The following PNPT1 variants were observed in gnomAD, a reference collection of about 807,000 sequenced individuals.
PNPT1 encodes the protein polyribonucleotide nucleotidyltransferase 1, also known as polyribonucleotide nucleotidyltransferase 1, mitochondrial.
Under a neutral mutation model 119.5 loss-of-function variants are expected in PNPT1, and 53 were observed. That is an observed-to-expected ratio of 0.44 (90% CI 0.36 to 0.56). The LOEUF (loss-of-function observed/expected upper bound fraction) is 0.56, where lower values mean the gene tolerates loss of function less well. Among genes scored for constraint, PNPT1 ranks in the 20% least tolerant of loss-of-function variants. The probability of loss-of-function intolerance (pLI) is 0.00; values close to 1 mark genes in which losing one functional copy is unlikely to be tolerated. For synonymous variants in PNPT1, 357 were observed against 322.1 expected, an observed-to-expected ratio of 1.11 and a Z score of -1.16; for missense variants, 948 against 938.5, an observed-to-expected ratio of 1.01 and a Z score of -0.13.
Position 55,656,181 on chromosome 2 carries a change from C to T in PNPT1, c.1391G>A (p.Arg464Gln), listed in dbSNP as rs754458499. 3 of 1,613,256 alleles carry T rather than the reference C, an allele frequency of 1.9e-6. No homozygotes were observed. Among genetic ancestry groups the T allele is most frequent in the East Asian group, 2.2e-5 (1 of 44,754 alleles). ...AEKALYPVIP[R>Q]DFPFTIRVTS... Reference sequence around the variant, plus strand: ...AACTCTTATGGTGAAAGGAAAATCTCGGGGAATAACAGGATACAAAGCTTT... The same window carrying T: ...AACTCTTATGGTGAAAGGAAAATCTTGGGGAATAACAGGATACAAAGCTTT... The change falls in exon 17 of 28, where the codon CGA becomes CAA. Residue 464 changes from arginine (R) to glutamine (Q), a missense_variant. Arg to Gln is a conservative substitution (Grantham distance 43). Coordinates refer to ENST00000447944, the MANE Select transcript of PNPT1 (RefSeq NM_033109.5).
intron 11 of PNPT1, among the ~76,000 whole-genome samples, chr2:55,668,981 A>G (rs1024201152): frequency 1.3e-5 from 2 of 152,216 alleles, no homozygotes; most frequent in African/African-American, 4.8e-5. Context: ...TTTTAAAAAT[A>G]TATTAGAAAT....
At chr2:55,669,761 ACTTTTTT>A (rs1250010785) in intron 11 of PNPT1, among the ~76,000 whole-genome samples, 64 of 147,188 alleles carry the variant, frequency 4.3e-4, no homozygotes, top group Middle Eastern at 3.5e-3. Flanking sequence ...TGCTAACAGC[ACTTTTTT>A]TTTTTTTTTT....
At chr2:55,669,457 A>G (rs541523787) in intron 11 of PNPT1, among the ~76,000 whole-genome samples, 99 of 152,326 alleles carry the variant, frequency 6.5e-4, no homozygotes, top group African/African-American at 2.3e-3. Context: ...GATATATTAG[A>G]TTGTATCTTC....
chr2:55,669,272 T>C (rs964461400), intron 11 of PNPT1, among the ~76,000 whole-genome samples: 2 of 152,232 alleles, frequency 1.3e-5, no homozygotes. Context: ...TAAAGATCTG[T>C]CAGCCTCAAA....
At chr2:55,661,291 C>T (rs1385817709) in intron 14 of PNPT1, among the ~76,000 whole-genome samples, 1 of 151,770 alleles carries the variant, frequency 6.6e-6, no homozygotes, top group Non-Finnish European at 1.5e-5. Context: ...CGGAATTTCA[C>T]CGTTTTAGCC....
intron 22 of PNPT1, 30 bp downstream of exon 22, chr2:55,645,319 C>T (rs949244431): frequency 6.6e-7 from 1 of 1,520,884 alleles, no homozygotes; most frequent in African/African-American, 1.4e-5. Flanking sequence ...CCACCGCGCC[C>T]AGCCGATCAC....
At chr2:55,669,010 A>G (rs1009095528) in intron 11 of PNPT1, among the ~76,000 whole-genome samples, 3 of 152,228 alleles carry the variant, frequency 2.0e-5, no homozygotes, top group Middle Eastern at 3.2e-3. Context: ...ACTGTTTTCT[A>G]TCTAATATTT....
intron 8 of PNPT1, among the ~76,000 whole-genome samples, chr2:55,676,583 C>T (rs941276308): frequency 4.6e-5 from 7 of 152,106 alleles, no homozygotes; most frequent in South Asian, 2.1e-4. Context: ...GATGACTGCC[C>T]GGGAGTGGTG....
Position 55,667,031 on chromosome 2 carries a change from G to T in PNPT1, c.1136C>A (p.Thr379Asn). 1.9e-6 allele frequency: 3 copies of T among 1,609,266 alleles called. No individual in the cohort carries two copies. The highest frequency in any genetic ancestry group is 2.5e-6 in the Non-Finnish European group (3 of 1,178,216). ...NVSCEVDMFK[T>N]LHGSALFQRG... Reference sequence around the variant, plus strand: ...TTGAAATAATGCTGATCCATGAAGGGTTTTAAACATATCTACCTCACAACT... The same window carrying T: ...TTGAAATAATGCTGATCCATGAAGGTTTTTAAACATATCTACCTCACAACT... Residue 379 changes from threonine to asparagine, a missense_variant, in exon 13 of 28, where the codon ACC becomes AAC. Thr to Asn is a moderately conservative substitution (Grantham distance 65). Coordinates refer to ENST00000447944, the MANE Select transcript of PNPT1 (RefSeq NM_033109.5).
chr2:55,693,331 C>T (rs1697682096), intron 1 of PNPT1, among the ~76,000 whole-genome samples: 2 of 152,108 alleles, frequency 1.3e-5, no homozygotes, highest in South Asian at 2.1e-4. Context: ...CTCGTCTCAC[C>T]CACGTCAACT....
chr2:55,652,244 A>C (rs1696234074), intron 18 of PNPT1, among the ~76,000 whole-genome samples: 1 of 152,210 alleles, frequency 6.6e-6, no homozygotes, highest in African/African-American at 2.4e-5. Flanking sequence ...GGCATAGGAC[A>C]GTGCCTGACT....
chr2:55,652,309 CATACCTTGT>C (rs1452723953), intron 18 of PNPT1, among the ~76,000 whole-genome samples: 1 of 152,190 alleles, frequency 6.6e-6, no homozygotes, highest in East Asian at 1.9e-4. Context: ...AATTGAACTG[CATACCTTGT>C]ATCGGCCCAT....
chr2:55,668,265 C>T (rs1221779741), intron 11 of PNPT1, among the ~76,000 whole-genome samples: 4 of 152,210 alleles, frequency 2.6e-5, no homozygotes, highest in African/African-American at 4.8e-5. Context: ...GAGACAAAGT[C>T]TCACTCTGTT....
chr2:55,662,930 G>C (rs1343545084), intron 13 of PNPT1, among the ~76,000 whole-genome samples: 1 of 151,442 alleles, frequency 6.6e-6, no homozygotes, highest in South Asian at 2.1e-4. Context: ...ACCCAGGCTG[G>C]AGTACAGTGG....
At chr2:55,680,573 G>T in intron 7 of PNPT1, 139 bp downstream of exon 7, 1 of 767,864 alleles carries the variant, frequency 1.3e-6, no homozygotes, top group Non-Finnish European at 2.1e-6. Flanking sequence ...AGACCTGAAA[G>T]GAGACTTAGA....
intron 8 of PNPT1, among the ~76,000 whole-genome samples, chr2:55,679,263 T>C (rs1178069249): frequency 6.6e-6 from 1 of 152,268 alleles, no homozygotes; most frequent in Non-Finnish European, 1.5e-5. Context: ...CAAGCAGACT[T>C]AGAATGAAAT....
intron 18 of PNPT1, among the ~76,000 whole-genome samples, chr2:55,648,438 T>C (rs1396815957): frequency 6.6e-6 from 1 of 152,238 alleles, no homozygotes; most frequent in Non-Finnish European, 1.5e-5. Context: ...AGACATAGCA[T>C]TTTAAACTTT....
chr2:55,644,592 G>C (rs1455719336), intron 23 of PNPT1, 45 bp downstream of exon 23: 1 of 1,425,530 alleles, frequency 7.0e-7, no homozygotes, highest in Non-Finnish European at 9.8e-7. Context: ...AACTTTTATG[G>C]TCTAGCATTT....
intron 10 of PNPT1, 132 bp from the exon 11 acceptor site, chr2:55,671,508 G>T: frequency 5.7e-6 from 3 of 525,628 alleles, no homozygotes; most frequent in South Asian, 8.2e-5. Context: ...TATTGGAATT[G>T]GTTCTTGATT....
Sources: allele counts gnomAD v4.1 joint callset (sites outside exome capture counted in the v4.1 genomes callset), GRCh38; gene constraint gnomAD v4.1.1; transcripts MANE v1.5; gene names NCBI Gene and HGNC (gene_info 2026-07-23, HGNC 2026-07-21).